Variants in FTO observed in about 807,000 individuals in gnomAD.
The protein encoded by FTO is FTO alpha-ketoglutarate dependent dioxygenase, also known as alpha-ketoglutarate-dependent dioxygenase FTO.
FTO carries 47 observed loss-of-function variants against 63.9 expected under a neutral mutation model. The ratio of observed to expected loss-of-function variants is 0.74; its 90% CI spans 0.58 to 0.94. The LOEUF (loss-of-function observed/expected upper bound fraction) is 0.94. Among genes scored for constraint, FTO ranks in the 40% least tolerant of loss-of-function variants. The pLI is 0.00. For synonymous variants in FTO, 207 were observed against 224.4 expected, an observed-to-expected ratio of 0.92 and a Z score of 0.69; for missense variants, 562 against 618.1, an observed-to-expected ratio of 0.91 and a Z score of 0.96.
intron 1 of FTO, among the ~76,000 whole-genome samples, chr16:53,789,669 C>T (rs2077843310): frequency 6.6e-6 from 1 of 151,518 alleles, no homozygotes; most frequent in Non-Finnish European, 1.5e-5. Context: ...TTTTTGATTT[C>T]TTCAAATTGT....
At chr16:53,883,640 A>AAAAAAC (rs2080915137) in intron 6 of FTO, among the ~76,000 whole-genome samples, 1 of 150,302 alleles carries the variant, frequency 6.7e-6, no homozygotes, top group African/African-American at 2.5e-5. Flanking sequence ...AAAAAACAAA[A>AAAAAAC]AAAAAAAAAC....
intron 2 of FTO, among the ~76,000 whole-genome samples, chr16:53,816,925 C>T (rs2078709049): frequency 6.6e-6 from 1 of 152,220 alleles, no homozygotes. Context: ...AGTATGTGCT[C>T]AATACATATG....
chr16:53,935,889 T>C (rs372558886), intron 8 of FTO: 32 of 152,226 alleles, frequency 2.1e-4, no homozygotes, highest in African/African-American at 7.5e-4. Context: ...CTGTTTGATG[T>C]CTTATGTCGC....
intron 1 of FTO, among the ~76,000 whole-genome samples, chr16:53,739,002 T>C (rs911701261): frequency 6.6e-5 from 10 of 152,012 alleles, no homozygotes; most frequent in Admixed American, 2.6e-4. Flanking sequence ...TTAAAAAATT[T>C]TTTGTAGAGA....
chr16:54,073,177 C>T (rs79344768), intron 8 of FTO, among the ~76,000 whole-genome samples: 1,756 of 152,214 alleles, frequency 0.012, 29 homozygotes, highest in African/African-American at 0.039. Context: ...GCATTCTCTG[C>T]CTCCCCATCC....
At chr16:53,923,026 A>G (rs1180240822) in intron 7 of FTO, 1 of 152,200 alleles carries the variant, frequency 6.6e-6, no homozygotes, top group Non-Finnish European at 1.5e-5. Context: ...AATGCACGTA[A>G]TAGTGACGAA....
At chr16:53,801,922 G>A (rs2151715571) in intron 1 of FTO, among the ~76,000 whole-genome samples, 1 of 152,148 alleles carries the variant, frequency 6.6e-6, no homozygotes, top group South Asian at 2.1e-4. Context: ...ACCACACCCA[G>A]CTAATTTTTG....
chr16:53,841,490 G>T (rs1202695282), intron 3 of FTO, among the ~76,000 whole-genome samples: 2 of 152,186 alleles, frequency 1.3e-5, no homozygotes, highest in African/African-American at 4.8e-5. Flanking sequence ...TTAGGGGAAA[G>T]AGTATCCAAA....
chr16:54,094,959 G>C (rs1196701266), intron 8 of FTO, among the ~76,000 whole-genome samples: 1 of 152,102 alleles, frequency 6.6e-6, no homozygotes, highest in Non-Finnish European at 1.5e-5. Flanking sequence ...TCTCCACAGT[G>C]GCTTCCAAGA....
chr16:53,801,072 T>C (rs2151713014), intron 1 of FTO, among the ~76,000 whole-genome samples: 1 of 152,104 alleles, frequency 6.6e-6, no homozygotes, highest in East Asian at 1.9e-4. Context: ...CCCCTTTAAT[T>C]GGGTTATTTA....
intron 7 of FTO, among the ~76,000 whole-genome samples, chr16:53,919,520 C>A (rs1333138725): frequency 6.6e-6 from 1 of 152,182 alleles, no homozygotes; most frequent in African/African-American, 2.4e-5. Flanking sequence ...AAGATACTTT[C>A]ACATGCATGT....
At chr16:54,093,953 T>C (rs2086454547) in intron 8 of FTO, among the ~76,000 whole-genome samples, 1 of 152,150 alleles carries the variant, frequency 6.6e-6, no homozygotes, top group Admixed American at 6.5e-5. Context: ...TTTGGGTCCC[T>C]GTGGCTGTCT....
At chr16:53,869,291 A>G (rs1371765127) in intron 4 of FTO, among the ~76,000 whole-genome samples, 1 of 151,618 alleles carries the variant, frequency 6.6e-6, no homozygotes, top group Admixed American at 6.6e-5. Flanking sequence ...TCCGTTATAG[A>G]TAAGCTGTTT....
chr16:53,811,685 C>G (rs1425351719), intron 2 of FTO, among the ~76,000 whole-genome samples: 1 of 152,200 alleles, frequency 6.6e-6, no homozygotes, highest in East Asian at 1.9e-4. Context: ...TCAGCCTCAT[C>G]TCCCCTGCTC....
intron 8 of FTO, among the ~76,000 whole-genome samples, chr16:54,055,863 T>C (rs2085421094): frequency 6.6e-6 from 1 of 152,144 alleles, no homozygotes; most frequent in Non-Finnish European, 1.5e-5. Context: ...AGAAAGCAGG[T>C]TTTCTGTCTC....
At chr16:53,795,202 A>G (rs2151698371) in intron 1 of FTO, among the ~76,000 whole-genome samples, 1 of 152,304 alleles carries the variant, frequency 6.6e-6, no homozygotes, top group Admixed American at 6.5e-5. Flanking sequence ...TGGACTTTAG[A>G]CCTCACACAA....
intron 8 of FTO, among the ~76,000 whole-genome samples, chr16:54,069,416 C>A (rs1291768520): frequency 3.3e-5 from 5 of 152,090 alleles, no homozygotes; most frequent in African/African-American, 1.2e-4. Context: ...GGACATGATG[C>A]AGAGTTTAGG....
intron 1 of FTO, among the ~76,000 whole-genome samples, chr16:53,789,963 A>G (rs947339796): frequency 2.0e-5 from 3 of 148,874 alleles, no homozygotes; most frequent in East Asian, 1.9e-4. Flanking sequence ...AATTATATAT[A>G]CATATATTTT....
At chr16:54,109,730 G>C (rs1430435564) in intron 8 of FTO, among the ~76,000 whole-genome samples, 1 of 152,224 alleles carries the variant, frequency 6.6e-6, no homozygotes, top group Admixed American at 6.5e-5. Flanking sequence ...GTACAACACA[G>C]CATAAGCAAA....
Sources: gnomAD v4.1 joint callset for allele counts (sites outside exome capture counted in the v4.1 genomes callset) on GRCh38, gnomAD v4.1.1 for gene constraint, MANE v1.5 for transcripts, NCBI Gene and HGNC (gene_info 2026-07-23, HGNC 2026-07-21) for gene names.